MX1: variants seen among roughly 807,000 people sequenced by gnomAD.
MX1 encodes interferon-induced GTP-binding protein Mx1.
MX1 carries 66 observed loss-of-function variants against 66.4 expected under a neutral mutation model. The ratio of observed to expected loss-of-function variants is 0.99; its 90% CI spans 0.82 to 1.22. The LOEUF is 1.22. Ranked by LOEUF, MX1 falls within the 50% of genes most tolerant of loss-of-function variation. MX1 has a pLI of 0.00. For missense variants in MX1, 787 were observed against 834.3 expected (o/e 0.94, Z 0.70); for synonymous variants, 311 against 318.1 (o/e 0.98, Z 0.24).
At chr21:41,457,407 G>A (rs2090984928) in intron 16 of MX1, among the ~76,000 whole-genome samples, 1 of 152,162 alleles carries the variant, frequency 6.6e-6, no homozygotes, top group Non-Finnish European at 1.5e-5. Flanking sequence ...GATAAATGAG[G>A]TGGACAATAT....
intron 3 of MX1, among the ~76,000 whole-genome samples, chr21:41,430,255 C>T (rs1291456690): frequency 6.6e-6 from 1 of 152,024 alleles, no homozygotes; most frequent in Non-Finnish European, 1.5e-5. Context: ...ACATGGCTCT[C>T]GGGGGAGATT....
At chr21:41,433,944 T>G (rs192166149) in intron 5 of MX1, among the ~76,000 whole-genome samples, 20 of 152,300 alleles carry the variant, frequency 1.3e-4, no homozygotes, top group African/African-American at 2.4e-4. Flanking sequence ...TCAGGGCCCA[T>G]TTTGCTCCCT....
chr21:41,421,485 TG>T, upstream of MX1: 1 of 157,304 alleles, frequency 6.4e-6, no homozygotes, highest in South Asian at 1.9e-4. Context: ...GACTATCACA[TG>T]GGGAGAAACC....
Position 41,452,874 on chromosome 21 carries a change from G to A in MX1, c.1758+5G>A, listed in dbSNP as rs111623747. The A allele has an allele frequency of 4.6e-5, 74 of 1,613,272 alleles. 1 individual carries two copies. Among genetic ancestry groups the A allele is most frequent in the African/African-American group, 2.9e-4 (22 of 74,962 alleles). Reference sequence around the variant, plus strand: ...CACCTGATGGCCTATCACCAGGTACGTCTTCGCGTGGTTCAGGATGCCAGC... The same window carrying A: ...CACCTGATGGCCTATCACCAGGTACATCTTCGCGTGGTTCAGGATGCCAGC... On this transcript the variant is annotated splice_donor_5th_base_variant and intron_variant, in intron 16 of 16. Transcript: ENST00000398598.
chr21:41,456,429 A>C (rs401498), intron 16 of MX1, among the ~76,000 whole-genome samples: 60,609 of 152,082 alleles, frequency 0.4, 14,836 homozygotes, highest in Non-Finnish European at 0.56. Flanking sequence ...CCACAGGCGG[A>C]ATTTCTTCTT....
rs1241426639 is a variant in MX1, at chr21:41,458,811, C to T, written c.*53C>T. On this transcript the variant is annotated 3_prime_UTR_variant, in exon 17 of 17. Transcript: ENST00000398598. The stretch of plus-strand genomic sequence containing the variant: ...GCACGCACACTGTCTGCCCCCGTTC[C>T]CGGGTAGCCACTGGACTGACGACTT... The T allele has an allele frequency of 8.9e-6, 14 of 1,569,646 alleles. No individual in the cohort carries two copies. In the African/African-American group the frequency reaches 1.7e-4, roughly 20 times the overall value.
chr21:41,432,145 T>C lies in MX1; in HGVS notation c.75T>C (p.Asp25=). 1 of 1,614,156 alleles carries C rather than the reference T, an allele frequency of 6.2e-7. No homozygotes were observed. Among genetic ancestry groups the C allele is most frequent in the Non-Finnish European group, 8.5e-7 (1 of 1,180,036 alleles). The change falls in exon 5 of 17, where the codon GAT becomes GAC. Residue 25 remains aspartate (D), a synonymous_variant. Coordinates refer to ENST00000398598, the MANE Select transcript of MX1 (RefSeq NM_002462.5). ...CCCACCCTCTATTACTGAATGGAGA[T>C]GCTACTGTGGCCCAGAAAAATCCAG... The part of the protein sequence containing the change: ...AASHPLLLNG[D]ATVAQKNPGS...
In MX1 at chr21:41,452,953, G is replaced by A. The variant is rs956582970; in HGVS notation, c.1758+84G>A. ...CTCTCTCTTTAGTCTTGCTCTCTCTGTAGGTGACGTTGGTCAGCTCTGTCG... is the reference window on the plus strand; with the variant it reads ...CTCTCTCTTTAGTCTTGCTCTCTCTATAGGTGACGTTGGTCAGCTCTGTCG... On this transcript the variant is annotated intron_variant, in intron 16 of 16. Coordinates refer to ENST00000398598, the MANE Select transcript of MX1 (RefSeq NM_002462.5). 6.6e-6 allele frequency: 10 copies of A among 1,513,118 alleles called. No homozygotes were observed. In the African/African-American group the frequency reaches 1.3e-4, roughly 19 times the overall value. 93.7% of individuals were successfully genotyped at this position (1,513,118 alleles called of 1,614,324 possible). A position where few individuals can be genotyped will look rare whatever the true frequency, so the allele number is the denominator to read the frequency against.
Position 41,448,666 on chromosome 21 carries a change from C to T in MX1, c.1274-471C>T, listed in dbSNP as rs111973095. 0.013 allele frequency among the ~76,000 whole-genome samples: 1,962 copies of T among 152,050 alleles called. 104 individuals carry two copies. In the East Asian group the frequency reaches 0.15, roughly 11 times the overall value. On this transcript the variant is annotated intron_variant, in intron 13 of 16. Coordinates refer to ENST00000398598, the MANE Select transcript of MX1 (RefSeq NM_002462.5). ...TAAAAATACAAAAAAATTAGCCGGG[C>T]GTGGTGGCGGGTACCTGTAGTCCCA...
At chr21:41,425,748 T>C (rs1601455929), upstream of MX1, among the ~76,000 whole-genome samples, 1 of 152,006 alleles carries the variant, frequency 6.6e-6, no homozygotes, top group East Asian at 1.9e-4. Context: ...GAAGATGGTA[T>C]GGGTGTGCCT....
At chr21:41,450,711 ATTC>A (rs2090798959) in intron 14 of MX1, among the ~76,000 whole-genome samples, 1 of 152,146 alleles carries the variant, frequency 6.6e-6, no homozygotes, top group South Asian at 2.1e-4. Context: ...TTACAATAAA[ATTC>A]TGTGAGGAAG....
At chr21:41,454,267 T>G (rs1047508080) in intron 16 of MX1, among the ~76,000 whole-genome samples, 1 of 152,248 alleles carries the variant, frequency 6.6e-6, no homozygotes, top group African/African-American at 2.4e-5. Flanking sequence ...TAAGCCATTT[T>G]ATACTGAGTT....
chr21:41,442,161 A>G (rs1359910137), intron 10 of MX1, among the ~76,000 whole-genome samples: 2 of 152,222 alleles, frequency 1.3e-5, no homozygotes, highest in Non-Finnish European at 2.9e-5. Context: ...CAAAATAGGG[A>G]GAGAACAATG....
At chr21:41,421,720 T>G (rs2089996073), upstream of MX1, 1 of 153,560 alleles carries the variant, frequency 6.5e-6, no homozygotes, top group Admixed American at 6.5e-5. Context: ...GGTTATAGAT[T>G]AACAGCATCC....
intron 5 of MX1, among the ~76,000 whole-genome samples, chr21:41,435,037 G>T (rs1265530769): frequency 1.3e-5 from 2 of 152,256 alleles, no homozygotes; most frequent in South Asian, 4.1e-4. Flanking sequence ...TTTTTGCTGG[G>T]TATAGAATTC....
In MX1 at chr21:41,444,183, T is replaced by C. The variant is rs558333909; in HGVS notation, c.1008+317T>C. On this transcript the variant is annotated intron_variant, in intron 11 of 16. Coordinates refer to ENST00000398598, the MANE Select transcript of MX1 (RefSeq NM_002462.5). ...CCTTTCTCATTGACAACCACTATTA[T>C]AATGTCTTAGTCATTCTAATGAACA... 3.9e-5 allele frequency among the ~76,000 whole-genome samples: 6 copies of C among 152,306 alleles called. No individual in the cohort carries two copies. In the East Asian group the frequency reaches 1.2e-3, roughly 29 times the overall value.
chr21:41,432,076 T>G lies in MX1; in HGVS notation c.6T>G (p.Val2=). ...TTACTTTGCAAAGAAGGAAGATGGT[T>G]GTTTCCGAAGTGGACATCGCAAAAG... The part of the protein sequence containing the change: M[V]VSEVDIAKAD... The change falls in exon 5 of 17, where the codon GTT becomes GTG. Residue 2 remains valine (V), a synonymous_variant. Transcript: ENST00000398598. 1 of 1,614,082 alleles carries G rather than the reference T, an allele frequency of 6.2e-7. No individual in the cohort carries two copies. Among genetic ancestry groups the G allele is most frequent in the Non-Finnish European group, 8.5e-7 (1 of 1,180,010 alleles).
intron 13 of MX1, among the ~76,000 whole-genome samples, chr21:41,447,394 A>T (rs1005747268): frequency 6.6e-6 from 1 of 152,212 alleles, no homozygotes; most frequent in Non-Finnish European, 1.5e-5. Flanking sequence ...TGAAGAGGTC[A>T]CAACTCAAGC....
chr21:41,441,901 C>T lies in MX1; in HGVS notation c.916C>T (p.His306Tyr). ...LQREKIFFEN[H>Y]PYFRDLLEEG... ...GAGAGAGAAGATCTTCTTTGAGAACCACCCATATTTCAGGTGCGCTTGCCT... is the reference window on the plus strand; with the variant it reads ...GAGAGAGAAGATCTTCTTTGAGAACTACCCATATTTCAGGTGCGCTTGCCT... The change falls in exon 10 of 17, where the codon CAC (histidine) becomes TAC (tyrosine). Residue 306 changes from histidine to tyrosine, a missense_variant. His to Tyr is a moderately conservative substitution (Grantham distance 83). Transcript: ENST00000398598. This position sits in a 1 kb window ranked among gnomAD's most constrained non-coding sequence, Gnocchi z 4.0. 1 of 1,614,100 alleles carries T rather than the reference C, an allele frequency of 6.2e-7. No homozygotes were observed. Among genetic ancestry groups the T allele is most frequent in the Non-Finnish European group, 8.5e-7 (1 of 1,180,024 alleles).
Sources: allele counts gnomAD v4.1 joint callset (sites outside exome capture counted in the v4.1 genomes callset), GRCh38; gene constraint gnomAD v4.1.1; non-coding constraint Gnocchi (gnomAD v3.1); transcripts MANE v1.5; gene names NCBI Gene and HGNC (gene_info 2026-07-23, HGNC 2026-07-21).